The following TACC1 variants were observed in gnomAD, a reference collection of about 807,000 sequenced individuals.
TACC1 encodes transforming acidic coiled-coil-containing protein 1.
Under a neutral mutation model 84.4 loss-of-function variants are expected in TACC1, and 48 were observed. That is an observed-to-expected ratio of 0.57 (90% CI 0.45 to 0.72). TACC1 has a LOEUF of 0.72. TACC1 is among the 30% of genes least tolerant of loss of function. The pLI, the probability that TACC1 is intolerant of heterozygous loss-of-function variation, is 0.00. For synonymous variants in TACC1, 372 were observed against 376.3 expected (o/e 0.99, Z 0.13); for missense variants, 920 against 973.0 (o/e 0.95, Z 0.72).
chr8:38,791,712 GT>G (rs1396455617), intron 2 of TACC1, among the ~76,000 whole-genome samples: 4 of 152,168 alleles, frequency 2.6e-5, no homozygotes, highest in African/African-American at 9.7e-5. Context: ...CCAAGACATG[GT>G]TGGACCGCAG....
intron 1 of TACC1, among the ~76,000 whole-genome samples, chr8:38,739,456 A>G (rs1211729659): frequency 6.6e-6 from 1 of 152,222 alleles, no homozygotes; most frequent in Non-Finnish European, 1.5e-5. Context: ...GCTTACATAC[A>G]GTTTCTTTTG....
intron 3 of TACC1, chr8:38,757,524 G>A: frequency 9.2e-7 from 1 of 1,091,438 alleles, no homozygotes; most frequent in South Asian, 1.9e-5. Context: ...CCCGCTGGCG[G>A]CAGCGGGGCA....
At chr8:38,786,844 T>G (rs1817261351), upstream of TACC1, among the ~76,000 whole-genome samples, 1 of 149,728 alleles carries the variant, frequency 6.7e-6, no homozygotes, top group Admixed American at 6.6e-5. Context: ...TTTTTTTTGG[T>G]AACAAGGGGC....
At chr8:38,827,956 G>A (rs1828473132) in intron 5 of TACC1, 1 of 157,346 alleles carries the variant, frequency 6.4e-6, no homozygotes, top group African/African-American at 2.4e-5. Context: ...ATTACCACAA[G>A]GAGGGCACCA....
chr8:38,765,011 A>G (rs1811957885), intron 3 of TACC1, among the ~76,000 whole-genome samples: 1 of 152,062 alleles, frequency 6.6e-6, no homozygotes, highest in African/African-American at 2.4e-5. Context: ...AGGCAGGATA[A>G]TCGCTTGAAC....
rs1397937405 is a variant in TACC1, at chr8:38,730,647, G to GC, written c.-675+1981dup. Among the ~76,000 whole-genome samples the GC allele has an allele frequency of 1.6e-4, 25 of 152,312 alleles. No homozygotes were observed. In the East Asian group the frequency reaches 4.1e-3, roughly 25 times the overall value. ...ACTTAGTGGTGAAGGTGGGGCTGGGGCCCCCTCCCCCTGAGTCTGAGCCAT... is the reference window on the plus strand; with the variant it reads ...ACTTAGTGGTGAAGGTGGGGCTGGGGCCCCCCTCCCCCTGAGTCTGAGCCAT... On this transcript the variant is annotated intron_variant, in intron 1 of 14. Coordinates refer to the TACC1 transcript ENST00000518415.
intron 1 of TACC1, 64 bp downstream of exon 1, chr8:38,787,807 C>G (rs1219064234): frequency 1.4e-6 from 2 of 1,404,012 alleles, no homozygotes; most frequent in Middle Eastern, 1.8e-4. Flanking sequence ...GCGACTCCCT[C>G]TGTGTGCGTG....
chr8:38,760,060 A>C (rs556206665), intron 3 of TACC1, among the ~76,000 whole-genome samples: 10 of 152,208 alleles, frequency 6.6e-5, no homozygotes, highest in African/African-American at 2.4e-4. Flanking sequence ...CATGAAAGTC[A>C]TATGAATAAT....
At chr8:38,731,866 C>G (rs905426088) in intron 1 of TACC1, among the ~76,000 whole-genome samples, 1 of 152,128 alleles carries the variant, frequency 6.6e-6, no homozygotes, top group Non-Finnish European at 1.5e-5. Context: ...AATCCCAGCA[C>G]TTTGGGAGGC....
rs773620879 is a variant in TACC1, at chr8:38,756,106, G to A, written c.26+10613G>A. Among the ~76,000 whole-genome samples the A allele has an allele frequency of 3.3e-5, 5 of 151,932 alleles. No individual in the cohort carries two copies. The East Asian group carries it at 5.8e-4, about 18-fold the overall frequency. On this transcript the variant is annotated intron_variant, in intron 3 of 14. Coordinates refer to the TACC1 transcript ENST00000518415. The stretch of plus-strand genomic sequence containing the variant: ...TGGGATTACAGGTGTGAGCCACCGC[G>A]CCCGGCCGGGAAGAGAGAATTATAA...
chr8:38,787,379 G>A lies in TACC1; in HGVS notation c.-204G>A. 3.0e-6 allele frequency: 4 copies of A among 1,341,518 alleles called. No individual in the cohort carries two copies. The South Asian group carries it at 5.7e-5, about 19-fold the overall frequency. The allele number at this position is 1,341,518 out of a possible 1,614,324, so 83.1% of individuals were successfully genotyped here. A position where few individuals can be genotyped will look rare whatever the true frequency, so the allele number is the denominator to read the frequency against. ...CGCTGCGGCCGCACCGTGAGGGGAG[G>A]AGGCCGAGGAGGACGCAGCGCCGGC... On this transcript the variant is annotated 5_prime_UTR_variant, in exon 1 of 13. Transcript: ENST00000317827.
At chr8:38,823,299 ATAT>A (rs1441513980) in intron 3 of TACC1, among the ~76,000 whole-genome samples, 2 of 152,150 alleles carry the variant, frequency 1.3e-5, no homozygotes, top group African/African-American at 4.8e-5. Flanking sequence ...TTGTTGGAAA[ATAT>A]TATTGATTGG....
At chr8:38,842,148 C>T in intron 9 of TACC1, 139 bp from the exon 10 acceptor site, 2 of 976,602 alleles carry the variant, frequency 2.0e-6, no homozygotes, top group South Asian at 1.6e-5. Context: ...CGCGTCTCCC[C>T]CAACTAGAGT....
chr8:38,824,429 T>C (rs1827568109), intron 3 of TACC1, among the ~76,000 whole-genome samples: 1 of 152,234 alleles, frequency 6.6e-6, no homozygotes, highest in Non-Finnish European at 1.5e-5. Context: ...CTGAGTCAGC[T>C]CAACTTGAGT....
intron 1 of TACC1, among the ~76,000 whole-genome samples, chr8:38,736,341 G>A (rs1430483336): frequency 6.6e-6 from 1 of 152,198 alleles, no homozygotes; most frequent in East Asian, 1.9e-4. Context: ...TCATGCCTGT[G>A]TGGTGGCTCA....
At position 38,745,391 on chromosome 8, in the gene TACC1, A is replaced by C. The variant is rs1318987602; in HGVS notation, c.-77A>C. 3 of 624,224 alleles carry C rather than the reference A, an allele frequency of 4.8e-6. No homozygotes were observed. In the African/African-American group the frequency reaches 5.6e-5, roughly 12 times the overall value. The allele number at this position is 624,224 out of a possible 1,614,324, so 38.7% of individuals were successfully genotyped here. A position where few individuals can be genotyped will look rare whatever the true frequency, so the allele number is the denominator to read the frequency against. Reference sequence around the variant, plus strand: ...TTCATCATATCCAAGATTGAAACCCAAATTATGGGACATATTTAAAAACCA... The same window carrying C: ...TTCATCATATCCAAGATTGAAACCCCAATTATGGGACATATTTAAAAACCA... On this transcript the variant is annotated 5_prime_UTR_variant, in exon 3 of 15. Coordinates refer to the TACC1 transcript ENST00000518415.
intron 3 of TACC1, among the ~76,000 whole-genome samples, chr8:38,781,283 T>C (rs1815902050): frequency 6.6e-6 from 1 of 152,244 alleles, no homozygotes; most frequent in African/African-American, 2.4e-5. Context: ...TGATTAATGT[T>C]CTACTAATCC....
chr8:38,757,123 G>C (rs1262184433), intron 3 of TACC1: 10 of 514,036 alleles, frequency 1.9e-5, no homozygotes, highest in South Asian at 1.5e-4. Flanking sequence ...AGCACCCGCG[G>C]GGCCCTGCAA....
At chr8:38,802,417 A>G (rs1448455561) in intron 2 of TACC1, 1 of 152,194 alleles carries the variant, frequency 6.6e-6, no homozygotes, top group African/African-American at 2.4e-5. Context: ...TGAAAGGCAC[A>G]TACCGGGGAT....
Sources: allele counts gnomAD v4.1 joint callset (sites outside exome capture counted in the v4.1 genomes callset), GRCh38; gene constraint gnomAD v4.1.1; transcripts MANE v1.5; gene names NCBI Gene and HGNC (gene_info 2026-07-23, HGNC 2026-07-21).